DOCK10: variants seen among roughly 807,000 people sequenced by gnomAD.
DOCK10 encodes the protein dedicator of cytokinesis 10, also known as dedicator of cytokinesis protein 10.
Under a neutral mutation model 280.1 loss-of-function variants are expected in DOCK10, and 145 were observed. The ratio of observed to expected loss-of-function variants is 0.52; its 90% CI spans 0.45 to 0.59. The LOEUF is 0.59. Among genes scored for constraint, DOCK10 ranks in the 20% least tolerant of loss-of-function variants. DOCK10 has a pLI of 0.00. For missense variants in DOCK10, 2,368 were observed against 2,651.7 expected, an observed-to-expected ratio of 0.89 and a Z score of 2.35; for synonymous variants, 915 against 942.2, an observed-to-expected ratio of 0.97 and a Z score of 0.53.
rs115927795 is a variant in DOCK10, at chr2:224,924,741, C to T, written c.243+6808G>A. ...ACCAGGGTCTCCACACACATTCTTA[C>T]TGAAATGAAATAAACAACCAGAACT... On this transcript the variant is annotated intron_variant, in intron 2 of 55. Coordinates refer to ENST00000258390, the MANE Select transcript of DOCK10 (RefSeq NM_014689.3). Among the ~76,000 whole-genome samples the T allele has an allele frequency of 8.4e-3, 1,275 of 152,300 alleles. 21 individuals carry two copies. Among genetic ancestry groups the T allele is most frequent in the African/African-American group, 0.027 (1,109 of 41,574 alleles).
intron 4 of DOCK10, among the ~76,000 whole-genome samples, chr2:224,888,377 T>A (rs1015099251): frequency 2.0e-5 from 3 of 151,974 alleles, no homozygotes; most frequent in Non-Finnish European, 4.4e-5. Context: ...ATTGTATGTA[T>A]ATGTGTGTGA....
chr2:224,902,535 G>C (rs1700357131), intron 3 of DOCK10, among the ~76,000 whole-genome samples: 1 of 152,148 alleles, frequency 6.6e-6, no homozygotes, highest in South Asian at 2.1e-4. Flanking sequence ...ATTATGCATT[G>C]AAAGAGTGGC....
At chr2:224,789,600 T>G (rs1692001242) in intron 47 of DOCK10, among the ~76,000 whole-genome samples, 1 of 151,992 alleles carries the variant, frequency 6.6e-6, no homozygotes, top group African/African-American at 2.4e-5. Context: ...TGCTTGTAGG[T>G]GGGTGTGTGG....
chr2:224,786,999 C>T lies in DOCK10; in HGVS notation c.5655+23G>A, dbSNP rs777083412. 1.3e-5 allele frequency: 20 copies of T among 1,536,192 alleles called. No individual in the cohort carries two copies. The highest frequency in any genetic ancestry group is 3.4e-5 in the South Asian group (3 of 89,514). ...CAACTGCTCAGCAGAATTTATGGGC[C>T]GTGTTATTTCTGGTGAACTTACCTG... is the stretch of plus-strand genomic sequence containing the variant. On this transcript the variant is annotated intron_variant, in intron 50 of 55. Coordinates refer to ENST00000258390, the MANE Select transcript of DOCK10 (RefSeq NM_014689.3). This position sits in a 1 kb window ranked among gnomAD's most constrained non-coding sequence, Gnocchi z 4.7.
intron 1 of DOCK10, among the ~76,000 whole-genome samples, chr2:225,024,938 C>T (rs1053320096): frequency 6.6e-6 from 1 of 151,966 alleles, no homozygotes; most frequent in African/African-American, 2.4e-5. Flanking sequence ...CATTTTGATT[C>T]ATGGTTACCA....
chr2:225,023,200 T>A (rs2106105902), intron 1 of DOCK10, among the ~76,000 whole-genome samples: 1 of 152,248 alleles, frequency 6.6e-6, no homozygotes, highest in South Asian at 2.1e-4. Context: ...CACGCCTGGC[T>A]GATTTTTGTG....
rs561762073 is a variant in DOCK10 at position 224,998,630 on chromosome 2, A to T, written c.123+43622T>A. Among the ~76,000 whole-genome samples the T allele has an allele frequency of 1.1e-4, 16 of 152,248 alleles. No homozygotes were observed. The South Asian group carries it at 3.3e-3, about 32-fold the overall frequency. The stretch of plus-strand genomic sequence containing the variant: ...AACACACACATATACAACTTTCTTC[A>T]ACCCTAAGATTTCTTTGGCTAAAGC... On this transcript the variant is annotated intron_variant, in intron 1 of 55. Transcript: ENST00000258390.
chr2:224,874,458 T>C, intron 9 of DOCK10, 109 bp from the exon 10 acceptor site: 2 of 961,348 alleles, frequency 2.1e-6, no homozygotes, highest in Non-Finnish European at 3.2e-6. Flanking sequence ...ATTTTAGTAT[T>C]ACCCATTAAC....
intron 3 of DOCK10, among the ~76,000 whole-genome samples, chr2:224,912,538 T>C (rs1476804359): frequency 6.6e-6 from 1 of 152,180 alleles, no homozygotes; most frequent in Non-Finnish European, 1.5e-5. Context: ...ATTATATAAG[T>C]TGAAAATCAA....
At chr2:224,838,576 A>G (rs969952832) in intron 24 of DOCK10, among the ~76,000 whole-genome samples, 11 of 152,194 alleles carry the variant, frequency 7.2e-5, no homozygotes, top group African/African-American at 2.4e-4. Flanking sequence ...ATGGTTGTGA[A>G]GCCATTAGAG....
At position 224,845,258 on chromosome 2, in the gene DOCK10, A is replaced by G. The variant is rs776968211; in HGVS notation, c.2426T>C (p.Ile809Thr). Residue 809 changes from isoleucine to threonine, a missense_variant, in exon 21 of 56, where the codon ATA becomes ACA. Ile to Thr is a moderately conservative substitution (Grantham distance 89). This residue lies in a region of DOCK10 where 1,209 missense variants were observed against 1,250.9 expected (regional missense o/e 0.97). Coordinates refer to ENST00000258390, the MANE Select transcript of DOCK10 (RefSeq NM_014689.3). ...QIASQEYNIP[I>T]ATSLPPNYLS... is the part of the protein sequence containing the mutation. ...ATAATTAGGAGGCAGACTTGTTGCT[A>G]TTGGGATGTTGTACTCTTGAGAAGC... 6.3e-7 allele frequency: 1 copy of G among 1,587,758 alleles called. No individual in the cohort carries two copies. Among genetic ancestry groups the G allele is most frequent in the East Asian group, 2.3e-5 (1 of 44,272 alleles).
intron 1 of DOCK10, among the ~76,000 whole-genome samples, chr2:225,022,729 CA>C (rs894997797): frequency 6.6e-6 from 1 of 152,138 alleles, no homozygotes; most frequent in African/African-American, 2.4e-5. Context: ...TTGATTTAAA[CA>C]AAACAACATA....
At chr2:224,767,904 A>C (rs1352773849) in intron 55 of DOCK10, among the ~76,000 whole-genome samples, 1 of 127,574 alleles carries the variant, frequency 7.8e-6, no homozygotes, top group Non-Finnish European at 1.6e-5. Context: ...GTAGCTATCC[A>C]TTCTAATTGT....
At chr2:224,769,904 C>A (rs1690306118) in intron 55 of DOCK10, among the ~76,000 whole-genome samples, 1 of 152,148 alleles carries the variant, frequency 6.6e-6, no homozygotes, top group African/African-American at 2.4e-5. Context: ...GCAGCAAACC[C>A]TCATGGGAAT....
chr2:224,986,740 T>A (rs933238784), intron 1 of DOCK10, among the ~76,000 whole-genome samples: 6 of 152,208 alleles, frequency 3.9e-5, no homozygotes, highest in Non-Finnish European at 8.8e-5. Context: ...AGCACCTTGA[T>A]CTTCAACTTC....
chr2:224,866,964 G>T (rs1257590373), intron 11 of DOCK10, among the ~76,000 whole-genome samples: 1 of 151,910 alleles, frequency 6.6e-6, no homozygotes, highest in Admixed American at 6.6e-5. Flanking sequence ...AGGAGCCCTG[G>T]TTCCTTACAG....
intron 1 of DOCK10, chr2:224,946,941 C>T (rs774997563): frequency 9.1e-6 from 14 of 1,542,220 alleles, no homozygotes; most frequent in African/African-American, 1.4e-5. Context: ...AACCTTCCCT[C>T]GAAAACTCAT....
At chr2:224,819,332 T>A in intron 29 of DOCK10, 114 bp downstream of exon 29, 2 of 617,212 alleles carry the variant, frequency 3.2e-6, no homozygotes, top group Non-Finnish European at 5.3e-6. Context: ...CTCCTTGGCA[T>A]AGAAATCACT....
At chr2:224,859,833 A>G (rs1157756890) in intron 14 of DOCK10, among the ~76,000 whole-genome samples, 1 of 152,220 alleles carries the variant, frequency 6.6e-6, no homozygotes, top group Non-Finnish European at 1.5e-5. Context: ...AGACATGGGC[A>G]ACAACCGGCC....
Sources: gnomAD v4.1 joint callset for allele counts (sites outside exome capture counted in the v4.1 genomes callset) on GRCh38, gnomAD v4.1.1 for gene constraint, gnomAD v4.1.1 regional missense constraint, Gnocchi (gnomAD v3.1) non-coding constraint, MANE v1.5 for transcripts, NCBI Gene and HGNC (gene_info 2026-07-23, HGNC 2026-07-21) for gene names.